The following ZNF568 variants were observed in gnomAD, a reference collection of about 807,000 sequenced individuals.
ZNF568 encodes zinc finger protein 568.
A neutral mutation model predicts 18.1 loss-of-function variants in ZNF568; 11 were observed. The observed-to-expected ratio is 0.61, with a 90% confidence interval of 0.38 to 1.00. The LOEUF is 1.00. Among genes scored for constraint, ZNF568 ranks in the 50% least tolerant of loss-of-function variants. The probability of loss-of-function intolerance (pLI) is 0.01; values close to 1 mark genes in which losing one functional copy is unlikely to be tolerated. For synonymous variants in ZNF568, 213 were observed against 246.6 expected (o/e 0.86, Z 1.28); for missense variants, 639 against 768.2 (o/e 0.83, Z 1.99).
At position 36,950,886 on chromosome 19, in the gene ZNF568, G is replaced by A. The variant is rs1360899469; in HGVS notation, c.1733G>A (p.Arg578Lys). 2 of 1,613,464 alleles carry A rather than the reference G, an allele frequency of 1.2e-6. No individual in the cohort carries two copies. Among genetic ancestry groups the A allele is most frequent in the African/African-American group, 1.3e-5 (1 of 74,902 alleles). ...SRISSLTLHV[R>K]SHTGEKPYEC... ...ATCTCATCCCTCACTCTTCATGTGAGAAGTCACACAGGGGAGAAACCCTAT... is the reference window on the plus strand; with the variant it reads ...ATCTCATCCCTCACTCTTCATGTGAAAAGTCACACAGGGGAGAAACCCTAT... Residue 578 changes from arginine to lysine, a missense_variant, in exon 7 of 7, where the codon AGA (arginine) becomes AAA (lysine). By Grantham distance (26) the Arg-to-Lys change is conservative. Coordinates refer to ENST00000333987, the MANE Select transcript of ZNF568 (RefSeq NM_198539.4).
At chr19:36,991,327 C>G in intron 3 of ZNF568, 1 of 1,501,354 alleles carries the variant, frequency 6.7e-7, no homozygotes, top group Non-Finnish European at 8.8e-7. Flanking sequence ...TCCGTACACC[C>G]CCTGCCCCGC....
chr19:36,936,973 C>G, intron 5 of ZNF568, 101 bp downstream of exon 5: 3 of 1,470,542 alleles, frequency 2.0e-6, no homozygotes, highest in Non-Finnish European at 2.8e-6. Context: ...CCTTTCCTTT[C>G]TCCATGTGAC....
chr19:36,990,989 G>A (rs1267328612), intron 2 of ZNF568: 1 of 562,168 alleles, frequency 1.8e-6, no homozygotes, highest in African/African-American at 1.9e-5. Flanking sequence ...GCATGCCCAA[G>A]AACCATGTGG....
chr19:36,961,091 C>T (rs1371154558), intron 6 of ZNF568, among the ~76,000 whole-genome samples: 3 of 152,046 alleles, frequency 2.0e-5, no homozygotes, highest in Non-Finnish European at 2.9e-5. Flanking sequence ...TTTTTTAAAA[C>T]TGTCTAATGC....
At chr19:36,997,671 A>G, downstream of ZNF568, 2 of 1,112,516 alleles carry the variant, frequency 1.8e-6, no homozygotes, top group Non-Finnish European at 2.6e-6. Context: ...TTCGGGCCTC[A>G]CACCTTAGTC....
chr19:36,949,378 C>T (rs1168545146), intron 6 of ZNF568, 134 bp from the exon 7 acceptor site: 1 of 956,982 alleles, frequency 1.0e-6, no homozygotes, highest in African/African-American at 1.7e-5. Context: ...AACATTTACT[C>T]TTAGCTTTCT....
At chr19:36,973,061 G>A (rs907311157) in intron 6 of ZNF568, among the ~76,000 whole-genome samples, 1 of 152,234 alleles carries the variant, frequency 6.6e-6, no homozygotes, top group Non-Finnish European at 1.5e-5. Context: ...CGGCTTCACT[G>A]GAGGCGGGGA....
chr19:36,987,049 T>C (rs537382637), intron 2 of ZNF568, among the ~76,000 whole-genome samples: 1 of 152,220 alleles, frequency 6.6e-6, no homozygotes, highest in Admixed American at 6.5e-5. Flanking sequence ...AGCTAAAGTT[T>C]CCTTTCAGTT....
At position 36,949,968 on chromosome 19, in the gene ZNF568, A is replaced by G; in HGVS notation, c.815A>G (p.His272Arg). Reference protein sequence around the residue: ...KENLITHQKIHTGEKPYKCNE... With the variant: ...KENLITHQKIRTGEKPYKCNE... ...AATCTTATTACACATCAGAAAATTC[A>G]TACTGGGGAAAAACCGTATAAGTGT... The change falls in exon 7 of 7, where the codon CAT becomes CGT. Residue 272 changes from histidine (H) to arginine (R), a missense_variant. Transcript: ENST00000333987. The G allele has an allele frequency of 1.2e-6, 2 of 1,613,960 alleles. No individual in the cohort carries two copies. The highest frequency in any genetic ancestry group is 1.7e-6 in the Non-Finnish European group (2 of 1,179,958).
At chr19:36,975,128 G>A (rs952894620) in intron 7 of ZNF568, among the ~76,000 whole-genome samples, 4 of 142,868 alleles carry the variant, frequency 2.8e-5, no homozygotes, top group African/African-American at 1.1e-4. Context: ...TGCACGGCCC[G>A]CTTATCAATT....
chr19:36,974,620 C>T (rs1294190330), intron 7 of ZNF568, among the ~76,000 whole-genome samples: 1 of 152,104 alleles, frequency 6.6e-6, no homozygotes, highest in Non-Finnish European at 1.5e-5. Flanking sequence ...CTAAAGCAGC[C>T]TAGGGCTGTC....
intron 4 of ZNF568, among the ~76,000 whole-genome samples, chr19:36,927,891 ATATATATATATATTTTTTTTTT>A (rs2073600821): frequency 8.1e-5 from 2 of 24,776 alleles, no homozygotes; most frequent in African/African-American, 2.4e-4. Context: ...TATATATTAT[ATATATATATATATTTTTTTTTT>A]TTTTTTTTTT....
At chr19:36,983,893 C>CTT (rs57048125), downstream of ZNF568, among the ~76,000 whole-genome samples, 2,388 of 108,372 alleles carry the variant, frequency 0.022, 120 homozygotes, top group African/African-American at 0.065. Flanking sequence ...CAACTTTGTC[C>CTT]TTTTTTTTTT....
intron 4 of ZNF568, among the ~76,000 whole-genome samples, chr19:36,929,503 G>A (rs1445755203): frequency 6.6e-6 from 1 of 152,010 alleles, no homozygotes; most frequent in Non-Finnish European, 1.5e-5. Context: ...GGCTGACATG[G>A]TGAAACCCCG....
At position 36,922,665 on chromosome 19, in the gene ZNF568, C is replaced by A; in HGVS notation, c.-106C>A. 1.2e-6 allele frequency: 1 copy of A among 840,592 alleles called. No individual in the cohort carries two copies. The highest frequency in any genetic ancestry group is 1.9e-6 in the Non-Finnish European group (1 of 525,112). The allele number at this position is 840,592 out of a possible 1,614,324, so 52.1% of individuals were successfully genotyped here. ...ACAGGTGTCTTATCATGGAAGGAGA[C>A]CTGACCTGAGACCTGCCTTAGAGGC... On this transcript the variant is annotated 5_prime_UTR_variant, in exon 3 of 7. Coordinates refer to ENST00000333987, the MANE Select transcript of ZNF568 (RefSeq NM_198539.4).
chr19:36,938,589 G>T lies in ZNF568; in HGVS notation c.358+1347G>T, dbSNP rs550880322. The stretch of plus-strand genomic sequence containing the variant: ...TGGAAACTAGAGTCCCTGAGGTTTT[G>T]CATATGGGAAAATATCTTTTTAACC... On this transcript the variant is annotated intron_variant, in intron 6 of 6. Transcript: ENST00000333987. Among the ~76,000 whole-genome samples the T allele has an allele frequency of 2.5e-3, 384 of 152,262 alleles. 2 individuals carry two copies. The highest frequency in any genetic ancestry group is 8.8e-3 in the African/African-American group (366 of 41,562).
intron 4 of ZNF568, among the ~76,000 whole-genome samples, chr19:36,994,830 C>T (rs1013254290): frequency 6.6e-6 from 1 of 152,040 alleles, no homozygotes; most frequent in Admixed American, 6.6e-5. Flanking sequence ...CGCCACCACA[C>T]CCAGCTAATT....
intron 4 of ZNF568, among the ~76,000 whole-genome samples, chr19:36,995,355 C>T (rs896011495): frequency 1.3e-5 from 2 of 152,122 alleles, no homozygotes; most frequent in Admixed American, 6.6e-5. Flanking sequence ...GCTGAGATCA[C>T]GTCATTGCAC....
rs768405699 is a variant in ZNF568, at chr19:36,974,499, C to A, written c.405+33C>A. On this transcript the variant is annotated intron_variant, in intron 7 of 7. Transcript: ENST00000427117. ...GCATTTGACATTTTCTTGGAAAGGA[C>A]TTACTGGTTTTCAGGACAGTGTCCT... is the stretch of plus-strand genomic sequence containing the variant. 7.8e-6 allele frequency: 12 copies of A among 1,531,980 alleles called. No homozygotes were observed. In the South Asian group the frequency reaches 1.4e-4, roughly 18 times the overall value. 94.9% of individuals were successfully genotyped at this position (1,531,980 alleles called of 1,614,324 possible).
Sources: gnomAD v4.1 joint callset for allele counts (sites outside exome capture counted in the v4.1 genomes callset) on GRCh38, gnomAD v4.1.1 for gene constraint, MANE v1.5 for transcripts, NCBI Gene and HGNC (gene_info 2026-07-23, HGNC 2026-07-21) for gene names.